IQGAP3: variants seen among roughly 807,000 people sequenced by gnomAD.
The protein encoded by IQGAP3 is IQ motif containing GTPase activating protein 3.
Under a neutral mutation model 208.2 loss-of-function variants are expected in IQGAP3, and 165 were observed. That is an observed-to-expected ratio of 0.79 (90% CI 0.70 to 0.90). The LOEUF (loss-of-function observed/expected upper bound fraction) is 0.90. Among genes scored for constraint, IQGAP3 ranks in the 40% least tolerant of loss-of-function variants. The probability of loss-of-function intolerance (pLI) is 0.00; values close to 1 mark genes in which losing one functional copy is unlikely to be tolerated. For missense variants in IQGAP3, 1,811 were observed against 2,043.1 expected, an observed-to-expected ratio of 0.89 and a Z score of 2.19; for synonymous variants, 703 against 803.6, an observed-to-expected ratio of 0.87 and a Z score of 2.12.
At chr1:156,556,821 G>A (rs544766248) in intron 11 of IQGAP3, 128 bp from the exon 12 acceptor site, 23 of 877,800 alleles carry the variant, frequency 2.6e-5, no homozygotes, top group South Asian at 1.2e-4. Context: ...TCAAAAATCT[G>A]CTAGGTTTAA....
rs752264942 is a variant in IQGAP3, at chr1:156,563,776, G to A, written c.486C>T (p.Tyr162=). 6.6e-5 allele frequency: 106 copies of A among 1,613,944 alleles called. 1 individual carries two copies. Among genetic ancestry groups the A allele is most frequent in the Admixed American group, 1.0e-4 (6 of 59,976 alleles). ...LGLAPQIHDL[Y]GKVKFTAEEL... Reference sequence around the variant, plus strand: ...GCTTACCTGTGAATTTCACTTTCCCGTATAGATCATGTATCTGAGGGGCCA... The same window carrying A: ...GCTTACCTGTGAATTTCACTTTCCCATATAGATCATGTATCTGAGGGGCCA... The change falls in exon 6 of 38, where the codon TAC becomes TAT. Residue 162 remains tyrosine, a synonymous_variant. Coordinates refer to ENST00000361170, the MANE Select transcript of IQGAP3 (RefSeq NM_178229.5).
rs773758117 is a variant in IQGAP3 at position 156,563,158 on chromosome 1, C to T, written c.774G>A (p.Glu258=). 4.4e-6 allele frequency: 7 copies of T among 1,604,596 alleles called. No individual in the cohort carries two copies. The Admixed American group carries it at 1.2e-4, about 27-fold the overall frequency. Residue 258 remains glutamate (E), a synonymous_variant, in exon 8 of 38, where the codon GAG becomes GAA. Transcript: ENST00000361170. The stretch of plus-strand genomic sequence containing the variant: ...CATGGTTCCTGGCATTGGCTGCCTT[C>T]TCCATCTTGGCCTGGGCCAGCATCT... ...YQEMLAQAKM[E]KAANARNHDD...
Position 156,526,415 on chromosome 1 carries a change from C to G in IQGAP3, c.*71G>C. On this transcript the variant is annotated 3_prime_UTR_variant, in exon 38 of 38. Coordinates refer to ENST00000361170, the MANE Select transcript of IQGAP3 (RefSeq NM_178229.5). Reference sequence around the variant, plus strand: ...AGCTCTAGGTGTCTGCAGGGAAGCACAGTGGTGAGTTAGTGTTAAAGAAAG... The same window carrying G: ...AGCTCTAGGTGTCTGCAGGGAAGCAGAGTGGTGAGTTAGTGTTAAAGAAAG... 1.0e-6 allele frequency: 1 copy of G among 979,710 alleles called. No homozygotes were observed. The highest frequency in any genetic ancestry group is 1.6e-6 in the Non-Finnish European group (1 of 607,636). 60.7% of individuals were successfully genotyped at this position (979,710 alleles called of 1,614,324 possible). A position where few individuals can be genotyped will look rare whatever the true frequency, so the allele number is the denominator to read the frequency against.
At chr1:156,530,409 A>C in intron 33 of IQGAP3, 92 bp from the exon 34 acceptor site, 1 of 1,086,874 alleles carries the variant, frequency 9.2e-7, no homozygotes. Flanking sequence ...CAACAAAGGG[A>C]GGCCTGAGCA....
In IQGAP3 at chr1:156,529,790, G is replaced by A. The variant is rs188776015; in HGVS notation, c.4404+315C>T. 1.3e-3 allele frequency among the ~76,000 whole-genome samples: 203 copies of A among 151,586 alleles called. 1 individual carries two copies. Among genetic ancestry groups the A allele is most frequent in the Admixed American group, 0.01 (157 of 15,226 alleles). ...ACAAAAATTAGCCGGGCATGGCAGC[G>A]CGCACCTGTAATCCCAGCTACTTGG... is the stretch of plus-strand genomic sequence containing the variant. On this transcript the variant is annotated intron_variant, in intron 34 of 37. Coordinates refer to ENST00000361170, the MANE Select transcript of IQGAP3 (RefSeq NM_178229.5).
At position 156,551,096 on chromosome 1, in the gene IQGAP3, C is replaced by T. The variant is rs72996637; in HGVS notation, c.1734+609G>A. Among the ~76,000 whole-genome samples, 1,498 of 152,284 alleles carry T rather than the reference C, an allele frequency of 9.8e-3. 23 individuals carry two copies. The highest frequency in any genetic ancestry group is 0.034 in the African/African-American group (1,419 of 41,522). On this transcript the variant is annotated intron_variant, in intron 15 of 37. Transcript: ENST00000361170. ...AATGATGCTTGGCACAGAGTAAGGA[C>T]TCAATAAATGTTAGCCAGTACTACT...
Position 156,542,595 on chromosome 1 carries a change from A to G in IQGAP3, c.2530+1386T>C, listed in dbSNP as rs76097588. The stretch of plus-strand genomic sequence containing the variant: ...ATTAACTCCTCAAAACAACCCTACA[A>G]GATAGGTATTAGCATTATGTCCAGT... On this transcript the variant is annotated intron_variant, in intron 22 of 37. Transcript: ENST00000361170. Among the ~76,000 whole-genome samples the G allele has an allele frequency of 7.2e-3, 1,092 of 152,274 alleles. 6 individuals carry two copies. Among genetic ancestry groups the G allele is most frequent in the South Asian group, 0.031 (148 of 4,832 alleles).
chr1:156,547,388 G>GACACACACACACACACACACACAC (rs61344699), intron 19 of IQGAP3, among the ~76,000 whole-genome samples: 6 of 147,428 alleles, frequency 4.1e-5, no homozygotes, highest in Non-Finnish European at 7.5e-5. Flanking sequence ...CAGACACACA[G>GACACACACACACACACACACACAC]ACACACACAC....
intron 22 of IQGAP3, among the ~76,000 whole-genome samples, chr1:156,543,666 T>C (rs1675091139): frequency 6.6e-6 from 1 of 152,208 alleles, no homozygotes; most frequent in South Asian, 2.1e-4. Flanking sequence ...CACAGAGGAC[T>C]GGAGAGGAGA....
chr1:156,547,366 GACACACAGACACAGACACACAGACAC>G (rs1675295455), intron 19 of IQGAP3, among the ~76,000 whole-genome samples: 1 of 134,072 alleles, frequency 7.5e-6, no homozygotes, highest in African/African-American at 2.8e-5. Context: ...TAAACACACA[GACACACAGACACAGACACACAGACAC>G]ACACACACAC....
intron 22 of IQGAP3, among the ~76,000 whole-genome samples, chr1:156,541,767 A>G (rs1674996841): frequency 6.6e-6 from 1 of 152,212 alleles, no homozygotes; most frequent in African/African-American, 2.4e-5. Context: ...TAGTAGGGGA[A>G]CTAGACAAAT....
chr1:156,533,158 C>G, intron 31 of IQGAP3, 52 bp from the exon 32 acceptor site: 1 of 1,602,398 alleles, frequency 6.2e-7, no homozygotes, highest in African/African-American at 1.3e-5. Flanking sequence ...CACACATGCG[C>G]ACACACACAT....
Position 156,548,338 on chromosome 1 carries a change from C to G in IQGAP3, c.2133+10G>C. 1 of 1,612,640 alleles carries G rather than the reference C, an allele frequency of 6.2e-7. No individual in the cohort carries two copies. Among genetic ancestry groups the G allele is most frequent in the Non-Finnish European group, 8.5e-7 (1 of 1,179,120 alleles). ...CCAAGATCCCCTACCCTTGCAGGGGCTCTGCCAACCTGGATCTCCTCCCGG... is the reference window on the plus strand; with the variant it reads ...CCAAGATCCCCTACCCTTGCAGGGGGTCTGCCAACCTGGATCTCCTCCCGG... On this transcript the variant is annotated intron_variant, in intron 18 of 37. Coordinates refer to ENST00000361170, the MANE Select transcript of IQGAP3 (RefSeq NM_178229.5).
intron 1 of IQGAP3, among the ~76,000 whole-genome samples, chr1:156,570,040 G>T (rs965134760): frequency 6.6e-6 from 1 of 152,160 alleles, no homozygotes; most frequent in African/African-American, 2.4e-5. Context: ...GGGACATCCA[G>T]AGCCTTCCTT....
At chr1:156,537,378 C>T in intron 26 of IQGAP3, 57 bp from the exon 27 acceptor site, 2 of 1,520,046 alleles carry the variant, frequency 1.3e-6, no homozygotes, top group Non-Finnish European at 8.9e-7. Flanking sequence ...GCCTCCTTCC[C>T]CAAGGCCCTA....
Position 156,539,859 on chromosome 1 carries a change from T to C in IQGAP3, c.2871A>G (p.Gln957=). The part of the protein sequence containing the change: ...KEKRQKLEAY[Q]HLFYLLQTQP... ...TAACCTGGAGCAGGTAGAAGAGGTG[T>C]TGGTATGCTTCTAGTTTCTGCCGTT... Residue 957 remains glutamine, a synonymous_variant, in exon 24 of 38, where the codon CAA becomes CAG. Coordinates refer to ENST00000361170, the MANE Select transcript of IQGAP3 (RefSeq NM_178229.5). The C allele has an allele frequency of 6.2e-7, 1 of 1,614,176 alleles. No homozygotes were observed.
intron 35 of IQGAP3, 51 bp downstream of exon 35, chr1:156,528,865 A>G (rs1439010642): frequency 1.3e-6 from 2 of 1,598,628 alleles, no homozygotes; most frequent in African/African-American, 2.7e-5. Flanking sequence ...TGACATGGGC[A>G]GGGGTGAGAA....
At chr1:156,571,509 G>T (rs1676642841) in intron 1 of IQGAP3, among the ~76,000 whole-genome samples, 1 of 152,164 alleles carries the variant, frequency 6.6e-6, no homozygotes, top group Non-Finnish European at 1.5e-5. Flanking sequence ...GAAAACACTG[G>T]CCAACCACAG....
intron 26 of IQGAP3, 65 bp downstream of exon 26, chr1:156,538,744 C>CCAAGACACAGCTGAT (rs887772731): frequency 4.2e-6 from 6 of 1,419,654 alleles, no homozygotes; most frequent in African/African-American, 2.8e-5. Flanking sequence ...CCAGTAGGGT[C>CCAAGACACAGCTGAT]CAAGACACAG....
Sources: gnomAD v4.1 joint callset for allele counts (sites outside exome capture counted in the v4.1 genomes callset) on GRCh38, gnomAD v4.1.1 for gene constraint, MANE v1.5 for transcripts, NCBI Gene and HGNC (gene_info 2026-07-23, HGNC 2026-07-21) for gene names.